Variants in SPA17 observed in about 807,000 individuals in gnomAD.
The protein encoded by SPA17 is sperm autoantigenic protein 17.
In SPA17, 7 loss-of-function variants were observed where a neutral mutation model predicts 13.8. The ratio of observed to expected loss-of-function variants is 0.51; its 90% CI spans 0.29 to 0.95. The LOEUF is 0.95. Ranked by LOEUF, SPA17 falls within the 40% of genes least tolerant of loss-of-function variation. The pLI, the probability that SPA17 is intolerant of heterozygous loss-of-function variation, is 0.08. For synonymous variants in SPA17, 61 were observed against 59.0 expected, an observed-to-expected ratio of 1.03 and a Z score of -0.16; for missense variants, 170 against 179.3, an observed-to-expected ratio of 0.95 and a Z score of 0.30.
intron 3 of SPA17, among the ~76,000 whole-genome samples, 167 bp downstream of exon 3, chr11:124,681,626 TTA>T (rs1943531542): frequency 6.6e-6 from 1 of 151,612 alleles, no homozygotes; most frequent in South Asian, 2.1e-4. Context: ...ATTAAAAAGA[TTA>T]TTTATTAAAA....
At position 124,679,939 on chromosome 11, in the gene SPA17, T is replaced by TA. The variant is rs200930640; in HGVS notation, c.155-1441dup. Among the ~76,000 whole-genome samples, 1,405 of 151,614 alleles carry TA rather than the reference T, an allele frequency of 9.3e-3. 12 individuals carry two copies. Among genetic ancestry groups the TA allele is most frequent in the Non-Finnish European group, 0.014 (976 of 67,834 alleles). ...TAAACATTCGTGAATTTGTGATGGT[T>TA]AAAAAAAAACTCATTGGTCATCCTG... On this transcript the variant is annotated intron_variant, in intron 2 of 4. Coordinates refer to ENST00000227135, the MANE Select transcript of SPA17 (RefSeq NM_017425.4).
At chr11:124,679,871 A>G (rs1943510876) in intron 2 of SPA17, among the ~76,000 whole-genome samples, 2 of 152,238 alleles carry the variant, frequency 1.3e-5, no homozygotes, top group Admixed American at 1.3e-4. Flanking sequence ...TAGAGCATCA[A>G]TAAGAATAAT....
At chr11:124,688,622 T>C (rs1039296202) in intron 3 of SPA17, among the ~76,000 whole-genome samples, 19 of 152,172 alleles carry the variant, frequency 1.2e-4, no homozygotes, top group Admixed American at 6.5e-5. Flanking sequence ...GGCTCATGGA[T>C]CAAAAGAATT....
chr11:124,692,900 A>G (rs1695930512), intron 4 of SPA17, among the ~76,000 whole-genome samples: 2 of 152,236 alleles, frequency 1.3e-5, no homozygotes, highest in Non-Finnish European at 2.9e-5. Context: ...ACTGGCAGCC[A>G]GAATGGATAT....
intron 3 of SPA17, among the ~76,000 whole-genome samples, chr11:124,681,942 G>A (rs1040106624): frequency 4.6e-5 from 7 of 152,028 alleles, no homozygotes; most frequent in Admixed American, 6.5e-5. Flanking sequence ...CATTATCATC[G>A]ATATGATATT....
chr11:124,690,790 T>C (rs962428155), intron 3 of SPA17, among the ~76,000 whole-genome samples: 2 of 152,148 alleles, frequency 1.3e-5, no homozygotes, highest in Admixed American at 6.5e-5. Context: ...GATATTAGAA[T>C]TGAAAAGAAT....
intron 4 of SPA17, among the ~76,000 whole-genome samples, chr11:124,692,847 T>C (rs1943635749): frequency 6.6e-6 from 1 of 152,212 alleles, no homozygotes; most frequent in Non-Finnish European, 1.5e-5. Flanking sequence ...TTCAAACTTC[T>C]GAGTTCCTTT....
intron 3 of SPA17, among the ~76,000 whole-genome samples, chr11:124,685,286 C>A (rs1041670193): frequency 6.6e-6 from 1 of 152,254 alleles, no homozygotes; most frequent in African/African-American, 2.4e-5. Context: ...ACAGTTCAGG[C>A]CATTGCTTCA....
chr11:124,681,799 A>C (rs1298132639), intron 3 of SPA17, among the ~76,000 whole-genome samples: 2 of 152,134 alleles, frequency 1.3e-5, no homozygotes, highest in Non-Finnish European at 2.9e-5. Flanking sequence ...AAAAGTTATG[A>C]ATAATTATTT....
chr11:124,690,366 A>G (rs1422145879), intron 3 of SPA17, among the ~76,000 whole-genome samples: 3 of 152,224 alleles, frequency 2.0e-5, no homozygotes, highest in Non-Finnish European at 4.4e-5. Context: ...CCAGGCACAG[A>G]AAGACATGTA....
At chr11:124,694,180 C>T (rs1943651114) in intron 4 of SPA17, 123 bp from the exon 5 acceptor site, 1 of 1,254,578 alleles carries the variant, frequency 8.0e-7, no homozygotes, top group Admixed American at 2.5e-5. Flanking sequence ...GAAATTCCCT[C>T]AGGAAGCAAC....
chr11:124,682,774 G>A (rs546185474), intron 3 of SPA17, among the ~76,000 whole-genome samples: 16 of 152,012 alleles, frequency 1.1e-4, no homozygotes, highest in Non-Finnish European at 1.3e-4. Flanking sequence ...ATTGGTATCC[G>A]CAAGGACAAA....
chr11:124,679,634 A>G (rs1237580756), intron 2 of SPA17, among the ~76,000 whole-genome samples: 1 of 152,228 alleles, frequency 6.6e-6, no homozygotes, highest in Non-Finnish European at 1.5e-5. Flanking sequence ...AATACCAGTG[A>G]GCACCCAGCT....
At chr11:124,693,327 G>C (rs1943640953) in intron 4 of SPA17, among the ~76,000 whole-genome samples, 1 of 151,974 alleles carries the variant, frequency 6.6e-6, no homozygotes, top group Admixed American at 6.6e-5. Flanking sequence ...ATTAAATCAA[G>C]GTACATCAGT....
At chr11:124,692,761 C>G (rs76352627) in intron 4 of SPA17, among the ~76,000 whole-genome samples, 1 of 152,110 alleles carries the variant, frequency 6.6e-6, no homozygotes, top group African/African-American at 2.4e-5. Flanking sequence ...ACATCATTGT[C>G]TATATTCTTC....
chr11:124,688,628 G>T (rs1426241158), intron 3 of SPA17, among the ~76,000 whole-genome samples: 1 of 152,110 alleles, frequency 6.6e-6, no homozygotes, highest in Non-Finnish European at 1.5e-5. Flanking sequence ...TGGATCAAAA[G>T]AATTAATATC....
chr11:124,683,536 T>TAA (rs57544674), intron 3 of SPA17, among the ~76,000 whole-genome samples: 12 of 135,940 alleles, frequency 8.8e-5, no homozygotes, highest in East Asian at 2.1e-4. Flanking sequence ...TGGATTTCTT[T>TAA]AAAAAAAAAA....
At chr11:124,683,537 A>T (rs1489966534) in intron 3 of SPA17, among the ~76,000 whole-genome samples, 5 of 125,664 alleles carry the variant, frequency 4.0e-5, no homozygotes, top group Non-Finnish European at 7.9e-5. Flanking sequence ...GGATTTCTTT[A>T]AAAAAAAAAA....
At position 124,694,655 on chromosome 11, in the gene SPA17, C is replaced by T. The variant is rs931105018; in HGVS notation, c.*209C>T. 1.8e-6 allele frequency: 1 copy of T among 567,090 alleles called. No individual in the cohort carries two copies. Among genetic ancestry groups the T allele is most frequent in the Non-Finnish European group, 2.9e-6 (1 of 339,396 alleles). The allele number at this position is 567,090 out of a possible 1,614,324, so 35.1% of individuals were successfully genotyped here. Reference sequence around the variant, plus strand: ...TTCTCTGAGATCATGAGTTTGTTTACACTTGTCTCAAGCCTATCTATAGAG... The same window carrying T: ...TTCTCTGAGATCATGAGTTTGTTTATACTTGTCTCAAGCCTATCTATAGAG... On this transcript the variant is annotated 3_prime_UTR_variant, in exon 5 of 5. Coordinates refer to ENST00000227135, the MANE Select transcript of SPA17 (RefSeq NM_017425.4).
Sources: gnomAD v4.1 joint callset for allele counts (sites outside exome capture counted in the v4.1 genomes callset) on GRCh38, gnomAD v4.1.1 for gene constraint, MANE v1.5 for transcripts, NCBI Gene and HGNC (gene_info 2026-07-23, HGNC 2026-07-21) for gene names.